Variants in SNTB1 observed in about 807,000 individuals in gnomAD.
The protein encoded by SNTB1 is beta-1-syntrophin.
In SNTB1, 36 loss-of-function variants were observed where a neutral mutation model predicts 48.9. That is an observed-to-expected ratio of 0.74 (90% confidence interval 0.56 to 0.97). The LOEUF is 0.97. Among genes scored for constraint, SNTB1 ranks in the 50% least tolerant of loss-of-function variants. The pLI is 0.00. For synonymous variants in SNTB1, 299 were observed against 294.6 expected (o/e 1.01, Z -0.15); for missense variants, 786 against 703.4 (o/e 1.12, Z -1.33).
At chr8:120,543,640 G>T (rs1424594216) in intron 5 of SNTB1, among the ~76,000 whole-genome samples, 1 of 152,166 alleles carries the variant, frequency 6.6e-6, no homozygotes, top group Non-Finnish European at 1.5e-5. Flanking sequence ...GAGTCGCTCA[G>T]CTTTCCTACC....
chr8:120,646,764 G>C (rs1299858388), intron 2 of SNTB1, among the ~76,000 whole-genome samples: 2 of 151,766 alleles, frequency 1.3e-5, no homozygotes, highest in Non-Finnish European at 2.9e-5. Context: ...TTGTACCTCT[G>C]GGAGAATTCG....
chr8:120,577,611 C>G (rs1030013481), intron 3 of SNTB1, among the ~76,000 whole-genome samples: 4 of 152,196 alleles, frequency 2.6e-5, no homozygotes, highest in Non-Finnish European at 4.4e-5. Context: ...CCCAAAGTGA[C>G]TAGCTTACTT....
At chr8:120,796,049 G>A (rs1687202440) in intron 1 of SNTB1, among the ~76,000 whole-genome samples, 1 of 151,944 alleles carries the variant, frequency 6.6e-6, no homozygotes, top group South Asian at 2.1e-4. Context: ...GGGTCCTGGT[G>A]GGAAGTGACT....
At chr8:120,674,855 T>TA (rs1291182818) in intron 2 of SNTB1, among the ~76,000 whole-genome samples, 4 of 151,988 alleles carry the variant, frequency 2.6e-5, no homozygotes, top group Non-Finnish European at 5.9e-5. Flanking sequence ...CGGCCTTGTC[T>TA]AAAAAAAATC....
chr8:120,673,870 G>C lies in SNTB1; in HGVS notation c.788+19822C>G, dbSNP rs1342112676. 2.0e-5 allele frequency among the ~76,000 whole-genome samples: 3 copies of C among 152,100 alleles called. No homozygotes were observed. The East Asian group carries it at 5.8e-4, about 29-fold the overall frequency. ...GCTGCAACTGCAATTTAAAATATCT[G>C]CCACATGGAAGTAGGGAGTCGACCT... On this transcript the variant is annotated intron_variant, in intron 2 of 6. Coordinates refer to ENST00000517992, the MANE Select transcript of SNTB1 (RefSeq NM_021021.4).
At chr8:120,720,708 A>G (rs1818644986) in intron 1 of SNTB1, among the ~76,000 whole-genome samples, 1 of 152,270 alleles carries the variant, frequency 6.6e-6, no homozygotes. Context: ...TGCAGAGGTG[A>G]CTTGCAGAAG....
At chr8:120,749,923 C>T (rs905641152) in intron 1 of SNTB1, among the ~76,000 whole-genome samples, 5 of 152,150 alleles carry the variant, frequency 3.3e-5, no homozygotes, top group African/African-American at 1.2e-4. Context: ...TAACATGGTT[C>T]TTTCTAAGTT....
chr8:120,793,898 T>C (rs1335971960), intron 1 of SNTB1, among the ~76,000 whole-genome samples: 2 of 152,068 alleles, frequency 1.3e-5, no homozygotes, highest in African/African-American at 4.8e-5. Flanking sequence ...AAAGAACTTT[T>C]ATAGTGTGAC....
chr8:120,603,685 G>C (rs1347792242), intron 3 of SNTB1, among the ~76,000 whole-genome samples: 1 of 152,180 alleles, frequency 6.6e-6, no homozygotes, highest in Non-Finnish European at 1.5e-5. Flanking sequence ...ACACGACACT[G>C]TGCCCATATG....
At chr8:120,768,727 A>T (rs1266293906) in intron 1 of SNTB1, 1 of 152,170 alleles carries the variant, frequency 6.6e-6, no homozygotes, top group Non-Finnish European at 1.5e-5. Context: ...GTTACTCTGG[A>T]AACGTGGTGA....
chr8:120,625,140 A>G (rs1283060561), intron 3 of SNTB1, among the ~76,000 whole-genome samples: 3 of 152,214 alleles, frequency 2.0e-5, no homozygotes, highest in Non-Finnish European at 4.4e-5. Context: ...TAATCCATTC[A>G]TGAAGGCAAA....
chr8:120,743,949 T>C (rs957073755), intron 1 of SNTB1, among the ~76,000 whole-genome samples: 3 of 152,044 alleles, frequency 2.0e-5, no homozygotes, highest in African/African-American at 7.2e-5. Flanking sequence ...GGTGACATAG[T>C]ATACTTTGTC....
chr8:120,663,601 C>T (rs1175260108), intron 2 of SNTB1, among the ~76,000 whole-genome samples: 1 of 152,132 alleles, frequency 6.6e-6, no homozygotes, highest in East Asian at 1.9e-4. Context: ...GCCACTGCAC[C>T]CGGCCACAAG....
intron 1 of SNTB1, among the ~76,000 whole-genome samples, chr8:120,736,891 T>C (rs777891147): frequency 2.6e-5 from 4 of 152,216 alleles, no homozygotes; most frequent in Non-Finnish European, 5.9e-5. Context: ...ACCTGTGTCT[T>C]AGCCCATCAG....
intron 1 of SNTB1, among the ~76,000 whole-genome samples, chr8:120,700,233 T>C (rs1818284484): frequency 6.6e-6 from 1 of 151,904 alleles, no homozygotes; most frequent in Admixed American, 6.6e-5. Flanking sequence ...TGAGAAAACA[T>C]CCAATTAAGA....
intron 1 of SNTB1, among the ~76,000 whole-genome samples, chr8:120,793,609 T>C (rs1162328249): frequency 6.6e-6 from 1 of 152,054 alleles, no homozygotes; most frequent in Non-Finnish European, 1.5e-5. Context: ...TCCGGTGTCC[T>C]GGGTTTCTGA....
chr8:120,563,060 G>A (rs894050638), intron 4 of SNTB1, among the ~76,000 whole-genome samples: 1 of 152,016 alleles, frequency 6.6e-6, no homozygotes, highest in African/African-American at 2.4e-5. Context: ...AGGCCCATGG[G>A]ACAATAAACT....
intron 2 of SNTB1, among the ~76,000 whole-genome samples, chr8:120,651,341 A>G (rs1817408054): frequency 6.6e-6 from 1 of 152,226 alleles, no homozygotes; most frequent in Non-Finnish European, 1.5e-5. Context: ...CAAGATACTG[A>G]AAGATTTGGG....
chr8:120,639,216 T>G (rs1817141210), intron 2 of SNTB1, among the ~76,000 whole-genome samples: 3 of 152,268 alleles, frequency 2.0e-5, no homozygotes, highest in Non-Finnish European at 4.4e-5. Flanking sequence ...GTTTATATCC[T>G]TTGCTCACTT....
Sources: gnomAD v4.1 joint callset for allele counts (sites outside exome capture counted in the v4.1 genomes callset) on GRCh38, gnomAD v4.1.1 for gene constraint, MANE v1.5 for transcripts, NCBI Gene and HGNC (gene_info 2026-07-23, HGNC 2026-07-21) for gene names.